DIP2C: variants seen among roughly 807,000 people sequenced by gnomAD.
DIP2C encodes disco-interacting protein 2 homolog C.
In DIP2C, 33 loss-of-function variants were observed where a neutral mutation model predicts 192.4. That is an observed-to-expected ratio of 0.17 (90% CI 0.13 to 0.23). The LOEUF is 0.23. Ranked by LOEUF, DIP2C falls within the 10% of genes least tolerant of loss-of-function variation. DIP2C has a pLI of 1.00. For synonymous variants in DIP2C, 979 were observed against 864.1 expected (o/e 1.13, Z -2.33); for missense variants, 1,537 against 2,110.1 (o/e 0.73, Z 5.32).
chr10:542,099 C>A (rs930849832), intron 1 of DIP2C, among the ~76,000 whole-genome samples: 36 of 152,200 alleles, frequency 2.4e-4, no homozygotes, highest in Non-Finnish European at 1.2e-4. Context: ...TCCCAGAAGA[C>A]CCCTCACCAA....
chr10:538,736 T>C (rs779446871), intron 1 of DIP2C, among the ~76,000 whole-genome samples: 12 of 152,242 alleles, frequency 7.9e-5, no homozygotes, highest in African/African-American at 1.4e-4. Flanking sequence ...AAGGTTCTTA[T>C]TGAAAACGTT....
In DIP2C at chr10:513,535, C is replaced by A. The variant is rs537133364; in HGVS notation, c.86-27005G>T. 2.2e-3 allele frequency among the ~76,000 whole-genome samples: 334 copies of A among 152,208 alleles called. 2 individuals carry two copies. Among genetic ancestry groups the A allele is most frequent in the Admixed American group, 5.2e-3 (79 of 15,286 alleles). ...TCGTCCACCACAGCACACCGCAGCC[C>A]ATGCTTCTTGTCCACCGTGCCACAC... On this transcript the variant is annotated intron_variant, in intron 1 of 36. Coordinates refer to ENST00000280886, the MANE Select transcript of DIP2C (RefSeq NM_014974.3).
chr10:551,279 C>T (rs1165654298), intron 1 of DIP2C, among the ~76,000 whole-genome samples: 2 of 152,106 alleles, frequency 1.3e-5, no homozygotes, highest in Non-Finnish European at 2.9e-5. Context: ...CCCTGGCTGC[C>T]GCCCACCCCG....
intron 1 of DIP2C, among the ~76,000 whole-genome samples, chr10:674,821 G>GAGAC (rs1830814509): frequency 6.8e-6 from 1 of 146,458 alleles, no homozygotes; most frequent in African/African-American, 2.6e-5. Flanking sequence ...GAGAGAGAGA[G>GAGAC]AGAGAGAGAC....
At chr10:287,457 G>A (rs2132173829) in intron 33 of DIP2C, among the ~76,000 whole-genome samples, 1 of 152,212 alleles carries the variant, frequency 6.6e-6, no homozygotes, top group South Asian at 2.1e-4. Flanking sequence ...TCTCACTTAA[G>A]TCTGAAGTGA....
chr10:332,125 CTT>C (rs557412295), intron 29 of DIP2C, among the ~76,000 whole-genome samples: 1 of 152,000 alleles, frequency 6.6e-6, no homozygotes, highest in African/African-American at 2.4e-5. Context: ...TAACTTAAAA[CTT>C]TTTTTGTGGA....
chr10:572,986 A>G (rs1248201399), intron 1 of DIP2C, among the ~76,000 whole-genome samples: 1 of 152,128 alleles, frequency 6.6e-6, no homozygotes, highest in East Asian at 1.9e-4. Context: ...GGGCTACCCA[A>G]CTGCGGACTG....
At chr10:353,175 C>A (rs1564602959) in intron 24 of DIP2C, among the ~76,000 whole-genome samples, 2 of 1,954 alleles carry the variant, frequency 1.0e-3, no homozygotes, top group Non-Finnish European at 0.045. Flanking sequence ...GAGGGGCACA[C>A]AGGGAAACAC....
chr10:362,433 C>G lies in DIP2C; in HGVS notation c.2794+57G>C, dbSNP rs547059293. The G allele has an allele frequency of 3.6e-5, 57 of 1,570,576 alleles. No individual in the cohort carries two copies. The East Asian group carries it at 1.2e-3, about 33-fold the overall frequency. On this transcript the variant is annotated intron_variant, in intron 22 of 36. Coordinates refer to ENST00000280886, the MANE Select transcript of DIP2C (RefSeq NM_014974.3). ...GGGTGAACTCCCGCACCTCCCAGTG[C>G]CGTGCAGCCCCAAGGGAACTCCCGC...
chr10:396,396 T>A (rs1353876828), intron 10 of DIP2C, among the ~76,000 whole-genome samples: 1 of 152,100 alleles, frequency 6.6e-6, no homozygotes, highest in African/African-American at 2.4e-5. Context: ...CAGCCTGGAC[T>A]GGAGGACACC....
rs868863065 is a variant in DIP2C at position 417,635 on chromosome 10, C to A, written c.739+1430G>T. On this transcript the variant is annotated intron_variant, in intron 6 of 36. Transcript: ENST00000280886. Reference sequence around the variant, plus strand: ...CTGTCTGCCTGCGCCTGTCAGGGCTCGGATAGGCCTCCCTGTCCACCTGTT... The same window carrying A: ...CTGTCTGCCTGCGCCTGTCAGGGCTAGGATAGGCCTCCCTGTCCACCTGTT... Among the ~76,000 whole-genome samples, 8 of 6,224 alleles carry A rather than the reference C, an allele frequency of 1.3e-3. 1 individual carries two copies. The East Asian group carries it at 0.068, about 53-fold the overall frequency. 4.1% of individuals were successfully genotyped at this position (6,224 alleles called of 152,430 possible). A position where few individuals can be genotyped will look rare whatever the true frequency, so the allele number is the denominator to read the frequency against.
intron 4 of DIP2C, among the ~76,000 whole-genome samples, chr10:436,074 T>C (rs1212141654): frequency 1.3e-5 from 2 of 152,234 alleles, no homozygotes; most frequent in East Asian, 3.8e-4. Flanking sequence ...TTCTATTTTT[T>C]ATATTAACTG....
chr10:552,805 T>C (rs986199666), intron 1 of DIP2C, among the ~76,000 whole-genome samples: 1 of 152,166 alleles, frequency 6.6e-6, no homozygotes, highest in South Asian at 2.1e-4. Context: ...GCCAAAATCA[T>C]GTCACTGCAC....
intron 4 of DIP2C, among the ~76,000 whole-genome samples, chr10:426,099 C>T (rs1312340534): frequency 6.6e-6 from 1 of 152,078 alleles, no homozygotes; most frequent in Non-Finnish European, 1.5e-5. Flanking sequence ...GATGACATGA[C>T]CTTGGATGTA....
intron 1 of DIP2C, among the ~76,000 whole-genome samples, chr10:618,817 G>A (rs1430416205): frequency 7.2e-5 from 11 of 152,188 alleles, no homozygotes; most frequent in African/African-American, 1.4e-4. Context: ...TCAGCCACAC[G>A]GCCACGTTCA....
intron 1 of DIP2C, among the ~76,000 whole-genome samples, chr10:566,489 C>A (rs1295432036): frequency 6.6e-6 from 1 of 152,214 alleles, no homozygotes; most frequent in African/African-American, 2.4e-5. Context: ...ACACCGCACA[C>A]TGATATTTTT....
chr10:424,875 C>T (rs1378462565), intron 4 of DIP2C, among the ~76,000 whole-genome samples: 1 of 152,228 alleles, frequency 6.6e-6, no homozygotes, highest in Non-Finnish European at 1.5e-5. Flanking sequence ...AGACACTCAA[C>T]ATAATAGCAG....
intron 29 of DIP2C, 142 bp downstream of exon 29, chr10:341,057 A>G: frequency 8.5e-7 from 1 of 1,178,658 alleles, no homozygotes. Flanking sequence ...CAGGAGAAGT[A>G]GAGGGACACG....
rs71199933 is a variant in DIP2C, at chr10:414,707, ATGTGTGTG to A, written c.860-605_860-598del. 1.3e-4 allele frequency among the ~76,000 whole-genome samples: 6 copies of A among 47,826 alleles called. 1 individual carries two copies. The East Asian group carries it at 3.7e-3, about 29-fold the overall frequency. The allele number at this position is 47,826 out of a possible 152,430, so 31.4% of individuals were successfully genotyped here. ...CCAGCTAATTTTAGAGTGTGTATGTATGTGTGTGTGTGTGTGTGTGTGTGTGTGTGTGT... is the reference window on the plus strand; with the variant it reads ...CCAGCTAATTTTAGAGTGTGTATGTATGTGTGTGTGTGTGTGTGTGTGTGT... On this transcript the variant is annotated intron_variant, in intron 7 of 36. Coordinates refer to ENST00000280886, the MANE Select transcript of DIP2C (RefSeq NM_014974.3).
Sources: allele counts gnomAD v4.1 joint callset (sites outside exome capture counted in the v4.1 genomes callset), GRCh38; gene constraint gnomAD v4.1.1; transcripts MANE v1.5; gene names NCBI Gene and HGNC (gene_info 2026-07-23, HGNC 2026-07-21).